The following PET100 variants were observed in gnomAD, a reference collection of about 807,000 sequenced individuals.
PET100 encodes PET100 cytochrome c oxidase chaperone.
Under a neutral mutation model 13.6 loss-of-function variants are expected in PET100, and 13 were observed. That is an observed-to-expected ratio of 0.96 (90% confidence interval 0.62 to 1.52). The LOEUF is 1.52. Ranked by LOEUF, PET100 falls within the 40% of genes most tolerant of loss-of-function variation. PET100 has a pLI of 0.00. For missense variants in PET100, 94 were observed against 95.3 expected (o/e 0.99, Z 0.06); for synonymous variants, 28 against 30.8 (o/e 0.91, Z 0.30).
At chr19:7,631,256 AG>A (rs869280488) in intron 3 of PET100, 1 of 1,402,020 alleles carries the variant, frequency 7.1e-7, no homozygotes, top group Non-Finnish European at 9.3e-7. Context: ...CCGAGAGCAG[AG>A]GAGTAGATGG....
At chr19:7,630,515 A>C in intron 1 of PET100, 58 bp from the exon 2 acceptor site, 1 of 1,352,534 alleles carries the variant, frequency 7.4e-7, no homozygotes, top group East Asian at 2.5e-5. Flanking sequence ...CCAGGCTCTG[A>C]GGAGCCTCTG....
At chr19:7,630,737 T>C (rs2031262931) in intron 2 of PET100, 78 bp downstream of exon 2, 6 of 1,532,624 alleles carry the variant, frequency 3.9e-6, no homozygotes, top group Admixed American at 2.0e-5. Context: ...TGGGGACTAA[T>C]GTCTGCCTCC....
chr19:7,631,938 C>T lies in PET100; in HGVS notation c.*382C>T, dbSNP rs147293606. On this transcript the variant is annotated 3_prime_UTR_variant, in exon 4 of 4. Coordinates refer to ENST00000594797, the MANE Select transcript of PET100 (RefSeq NM_001171155.2). ...ATTGTGAGCACTGGTCTATGTTTACCCTCAATATCTGCCATTTAGGGTGGC... is the reference window on the plus strand; with the variant it reads ...ATTGTGAGCACTGGTCTATGTTTACTCTCAATATCTGCCATTTAGGGTGGC... 6.7e-4 allele frequency: 638 copies of T among 951,446 alleles called. 6 individuals are homozygous for T. The East Asian group carries it at 0.014, about 21-fold the overall frequency. The allele number at this position is 951,446 out of a possible 1,614,324, so 58.9% of individuals were successfully genotyped here.
In PET100 at chr19:7,631,724, TC is replaced by T. The variant is rs2031313341; in HGVS notation, c.*170del. 1 of 1,446,594 alleles carries T rather than the reference TC, an allele frequency of 6.9e-7. No homozygotes were observed. Among genetic ancestry groups the T allele is most frequent in the African/African-American group, 1.5e-5 (1 of 68,714 alleles). The allele number at this position is 1,446,594 out of a possible 1,614,324, so 89.6% of individuals were successfully genotyped here. The stretch of plus-strand genomic sequence containing the variant: ...TGTGTCGGGGGCTGGGGGCTGCTGT[TC>T]CGACGGAAGCCGAGAGCGGTCGGGT... On this transcript the variant is annotated 3_prime_UTR_variant, in exon 4 of 4. Transcript: ENST00000594797.
Position 7,631,725 on chromosome 19 carries a change from C to G in PET100, c.*169C>G, listed in dbSNP as rs747403354. The stretch of plus-strand genomic sequence containing the variant: ...GTGTCGGGGGCTGGGGGCTGCTGTT[C>G]CGACGGAAGCCGAGAGCGGTCGGGT... On this transcript the variant is annotated 3_prime_UTR_variant, in exon 4 of 4. Transcript: ENST00000594797. The G allele has an allele frequency of 1.8e-5, 26 of 1,445,138 alleles. No homozygotes were observed. The highest frequency in any genetic ancestry group is 3.1e-5 in the South Asian group (2 of 63,638). The allele number at this position is 1,445,138 out of a possible 1,614,324, so 89.5% of individuals were successfully genotyped here.
chr19:7,630,918 G>A (rs1452688281), intron 3 of PET100, 72 bp downstream of exon 3: 39 of 1,525,982 alleles, frequency 2.6e-5, no homozygotes, highest in Non-Finnish European at 3.3e-5. Flanking sequence ...GGTTTTAGAT[G>A]AAAATTTTAG....
intron 1 of PET100, 156 bp downstream of exon 1, chr19:7,630,016 A>G: frequency 5.1e-6 from 4 of 784,012 alleles, no homozygotes; most frequent in Non-Finnish European, 6.9e-6. Flanking sequence ...AATCCAGGAG[A>G]GGGGACGCTG....
At position 7,630,653 on chromosome 19, in the gene PET100, G is replaced by T. The variant is rs1201522039; in HGVS notation, c.108G>T (p.Gln36His). ...AGTGGTTTGAGGACGATGTCATACA[G>T]CGCAAGGTGGGCATAAGAGGAGTGT... ...QAEWFEDDVI[Q>H]RKRELWPPEK... is the part of the protein sequence containing the mutation. Residue 36 changes from glutamine (Q) to histidine (H), a missense_variant, in exon 2 of 4, where the codon CAG (glutamine) becomes CAT (histidine). Physicochemically the swap from Gln to His is conservative, Grantham distance 24. Transcript: ENST00000594797. The T allele has an allele frequency of 2.6e-6, 4 of 1,536,962 alleles. No homozygotes were observed. The Admixed American group carries it at 5.9e-5, about 23-fold the overall frequency.
At chr19:7,630,727 T>C in intron 2 of PET100, 68 bp downstream of exon 2, 3 of 1,531,994 alleles carry the variant, frequency 2.0e-6, no homozygotes, top group South Asian at 2.4e-5. Context: ...AGCAGTCTGC[T>C]GGGGACTAAT....
At chr19:7,631,420 C>G (rs1047299932) in intron 3 of PET100, 53 bp from the exon 4 acceptor site, 165 of 1,444,298 alleles carry the variant, frequency 1.1e-4, no homozygotes, top group Admixed American at 8.5e-4. Flanking sequence ...GGTCCCGGCT[C>G]TGAGGTGTGT....
At position 7,630,642 on chromosome 19, in the gene PET100, G is replaced by C; in HGVS notation, c.97G>C (p.Asp33His). 1 of 1,537,136 alleles carries C rather than the reference G, an allele frequency of 6.5e-7. No homozygotes were observed. Among genetic ancestry groups the C allele is most frequent in the Non-Finnish European group, 8.7e-7 (1 of 1,146,794 alleles). Residue 33 changes from aspartate (D) to histidine (H), a missense_variant, in exon 2 of 4, where the codon GAT (aspartate) becomes CAT (histidine). Physicochemically the swap from Asp to His is moderately conservative, Grantham distance 81 (BLOSUM62 -1). Transcript: ENST00000594797. ...CAATCAGGCCGAGTGGTTTGAGGAC[G>C]ATGTCATACAGCGCAAGGTGGGCAT... ...VSNQAEWFED[D>H]VIQRKRELWP...
chr19:7,630,653 G>A lies in PET100; in HGVS notation c.108G>A (p.Gln36=). The A allele has an allele frequency of 9.1e-6, 14 of 1,537,080 alleles. No homozygotes were observed. The highest frequency in any genetic ancestry group is 1.2e-5 in the Non-Finnish European group (14 of 1,146,732). ...QAEWFEDDVI[Q]RKRELWPPEK... ...AGTGGTTTGAGGACGATGTCATACA[G>A]CGCAAGGTGGGCATAAGAGGAGTGT... The change falls in exon 2 of 4, where the codon CAG becomes CAA. Residue 36 remains glutamine, a synonymous_variant. Transcript: ENST00000594797.
In PET100 at chr19:7,631,731, G is replaced by T; in HGVS notation, c.*175G>T. On this transcript the variant is annotated 3_prime_UTR_variant, in exon 4 of 4. Coordinates refer to ENST00000594797, the MANE Select transcript of PET100 (RefSeq NM_001171155.2). ...GGGGCTGGGGGCTGCTGTTCCGACG[G>T]AAGCCGAGAGCGGTCGGGTCCTGAG... 6.9e-7 allele frequency: 1 copy of T among 1,448,070 alleles called. No individual in the cohort carries two copies. The allele number at this position is 1,448,070 out of a possible 1,614,324, so 89.7% of individuals were successfully genotyped here. A position where few individuals can be genotyped will look rare whatever the true frequency, so the allele number is the denominator to read the frequency against.
intron 3 of PET100, chr19:7,631,081 G>A (rs2031274532): frequency 8.2e-6 from 6 of 730,268 alleles, no homozygotes; most frequent in South Asian, 1.9e-5. Context: ...GGTGGCAGGC[G>A]CCTATAATTC....
In PET100 at chr19:7,629,820, C is replaced by G; in HGVS notation, c.-14C>G. 1 of 1,536,728 alleles carries G rather than the reference C, an allele frequency of 6.5e-7. No individual in the cohort carries two copies. Among genetic ancestry groups the G allele is most frequent in the South Asian group, 1.2e-5 (1 of 84,014 alleles). ...CTTTGGGCGGAACTGGCTTTGTTGACCGGGAGAAACGAGATGGGGGTGAAG... is the reference window on the plus strand; with the variant it reads ...CTTTGGGCGGAACTGGCTTTGTTGAGCGGGAGAAACGAGATGGGGGTGAAG... On this transcript the variant is annotated 5_prime_UTR_variant, in exon 1 of 4. Coordinates refer to ENST00000594797, the MANE Select transcript of PET100 (RefSeq NM_001171155.2).
At chr19:7,631,214 G>T in intron 3 of PET100, 9 of 1,382,952 alleles carry the variant, frequency 6.5e-6, no homozygotes, top group Non-Finnish European at 8.4e-6. Context: ...GTCTCAAAAA[G>T]AAACATTTTA....
chr19:7,631,499 G>C lies in PET100; in HGVS notation c.165G>C (p.Glu55Asp), dbSNP rs1167680627. Residue 55 changes from glutamate (E) to aspartate (D), a missense_variant, in exon 4 of 4, where the codon GAG (glutamate) becomes GAC (aspartate). Physicochemically the swap from Glu to Asp is conservative, Grantham distance 45. Transcript: ENST00000594797. ...TTCAAGAGATAGAGGAATTCAAAGAGAGGTTACGGAAGCGGCGGGAGGAGA... is the reference window on the plus strand; with the variant it reads ...TTCAAGAGATAGAGGAATTCAAAGACAGGTTACGGAAGCGGCGGGAGGAGA... The part of the protein sequence containing the change: ...EKLQEIEEFK[E>D]RLRKRREEKL... The C allele has an allele frequency of 2.6e-6, 4 of 1,536,680 alleles. No homozygotes were observed. Among genetic ancestry groups the C allele is most frequent in the African/African-American group, 1.4e-5 (1 of 73,120 alleles).
chr19:7,630,749 A>G, intron 2 of PET100, 74 bp from the exon 3 acceptor site: 2 of 1,535,858 alleles, frequency 1.3e-6, no homozygotes, highest in East Asian at 4.9e-5. Context: ...TCTGCCTCCC[A>G]TAAGCCGACC....
chr19:7,630,718 G>A, intron 2 of PET100, 59 bp downstream of exon 2: 1 of 1,530,890 alleles, frequency 6.5e-7, no homozygotes, highest in Non-Finnish European at 8.8e-7. Context: ...GTGTGGGGCA[G>A]CAGTCTGCTG....
Sources: gnomAD v4.1 joint callset for allele counts on GRCh38, gnomAD v4.1.1 for gene constraint, MANE v1.5 for transcripts, NCBI Gene and HGNC (gene_info 2026-07-23, HGNC 2026-07-21) for gene names.